NKAIN3: variants seen among roughly 807,000 people sequenced by gnomAD.
NKAIN3 encodes sodium/potassium transporting ATPase interacting 3.
Under a neutral mutation model 30.2 loss-of-function variants are expected in NKAIN3, and 25 were observed. The ratio of observed to expected loss-of-function variants is 0.83; its 90% CI spans 0.60 to 1.16. The LOEUF (loss-of-function observed/expected upper bound fraction) is 1.16, where lower values mean the gene tolerates loss of function less well. NKAIN3 is among the 50% of genes most tolerant of loss of function. NKAIN3 has a pLI of 0.00. For missense variants in NKAIN3, 225 were observed against 254.1 expected (o/e 0.89, Z 0.78); for synonymous variants, 91 against 89.6 (o/e 1.02, Z -0.09).
chr8:62,762,142 C>A (rs1816686935), intron 4 of NKAIN3, among the ~76,000 whole-genome samples: 1 of 151,768 alleles, frequency 6.6e-6, no homozygotes, highest in Non-Finnish European at 1.5e-5. Context: ...ATGGTGAAAT[C>A]CCGTCTCTAC....
chr8:62,670,654 C>A (rs974024233), intron 3 of NKAIN3, among the ~76,000 whole-genome samples: 2 of 152,046 alleles, frequency 1.3e-5, no homozygotes, highest in African/African-American at 2.4e-5. Flanking sequence ...CTTGGGAAGG[C>A]AGTTCAGGTG....
intron 3 of NKAIN3, among the ~76,000 whole-genome samples, chr8:62,712,061 G>A (rs745993953): frequency 2.0e-5 from 3 of 152,174 alleles, no homozygotes; most frequent in African/African-American, 4.8e-5. Flanking sequence ...GGTACTGGGG[G>A]TTGTCTGCAC....
chr8:62,582,483 G>A (rs1810335465), intron 2 of NKAIN3, among the ~76,000 whole-genome samples: 1 of 152,086 alleles, frequency 6.6e-6, no homozygotes, highest in African/African-American at 2.4e-5. Context: ...CCTGTAGCCG[G>A]GCAATGGGGT....
chr8:62,854,735 A>G lies in NKAIN3; in HGVS notation c.472-63718A>G, dbSNP rs529246943. Among the ~76,000 whole-genome samples, 4 of 152,330 alleles carry G rather than the reference A, an allele frequency of 2.6e-5. No homozygotes were observed. The South Asian group carries it at 8.3e-4, about 32-fold the overall frequency. On this transcript the variant is annotated intron_variant, in intron 4 of 6. Coordinates refer to ENST00000623646, the MANE Select transcript of NKAIN3 (RefSeq NM_001304533.3). ...TGTTAGGTGTGGATTTGATCCTGTCATCATGATGCTAGCTGATTATTTTTG... is the reference window on the plus strand; with the variant it reads ...TGTTAGGTGTGGATTTGATCCTGTCGTCATGATGCTAGCTGATTATTTTTG...
intron 6 of NKAIN3, among the ~76,000 whole-genome samples, chr8:62,954,215 A>G (rs1236834430): frequency 6.6e-6 from 1 of 152,174 alleles, no homozygotes; most frequent in Admixed American, 6.6e-5. Context: ...TCCCCTTATC[A>G]ATAGTTGGTA....
intron 1 of NKAIN3, among the ~76,000 whole-genome samples, chr8:62,522,307 C>T (rs1241954708): frequency 2.6e-5 from 4 of 152,068 alleles, no homozygotes; most frequent in East Asian, 1.9e-4. Context: ...TGTGGTGATG[C>T]TGGCATAAAC....
intron 1 of NKAIN3, among the ~76,000 whole-genome samples, chr8:62,279,161 C>T (rs937894653): frequency 2.0e-5 from 3 of 152,220 alleles, no homozygotes; most frequent in African/African-American, 7.2e-5. Context: ...TGTCTGTTGG[C>T]TGCATAAATG....
rs931547573 is a variant in NKAIN3 at position 62,976,046 on chromosome 8, G to A, written c.*10639G>A. ...AACTTGATTGCACTGTGGTCTGAGAGACTGTTTGTTATGGTTTTCATTCTT... is the reference window on the plus strand; with the variant it reads ...AACTTGATTGCACTGTGGTCTGAGAAACTGTTTGTTATGGTTTTCATTCTT... On this transcript the variant is annotated 3_prime_UTR_variant, in exon 7 of 7. Coordinates refer to ENST00000623646, the MANE Select transcript of NKAIN3 (RefSeq NM_001304533.3). Among the ~76,000 whole-genome samples the A allele has an allele frequency of 1.6e-4, 19 of 121,622 alleles. No homozygotes were observed. The highest frequency in any genetic ancestry group is 6.3e-4 in the African/African-American group (19 of 29,984). The allele number at this position is 121,622 out of a possible 152,430, so 79.8% of individuals were successfully genotyped here.
At chr8:62,870,258 ATATC>A (rs1820575170) in intron 4 of NKAIN3, among the ~76,000 whole-genome samples, 2 of 113,958 alleles carry the variant, frequency 1.8e-5, no homozygotes, top group East Asian at 2.2e-4. Flanking sequence ...ATCTATATAT[ATATC>A]TATATATAGA....
At chr8:62,507,965 T>C (rs1033632167) in intron 1 of NKAIN3, among the ~76,000 whole-genome samples, 9 of 152,218 alleles carry the variant, frequency 5.9e-5, no homozygotes, top group Non-Finnish European at 1.3e-4. Context: ...TATAAAAATG[T>C]GCTGAAAAAC....
intron 5 of NKAIN3, among the ~76,000 whole-genome samples, chr8:62,944,022 G>A (rs1381548081): frequency 6.6e-6 from 1 of 151,866 alleles, no homozygotes; most frequent in Admixed American, 6.6e-5. Context: ...GGGTGGGAGT[G>A]GGTGAGGGAT....
At chr8:62,872,822 A>T (rs1820687666) in intron 4 of NKAIN3, among the ~76,000 whole-genome samples, 1 of 152,170 alleles carries the variant, frequency 6.6e-6, no homozygotes, top group South Asian at 2.1e-4. Context: ...ATGCTGAGGG[A>T]TTTCATTACC....
At chr8:62,488,772 T>C (rs2129601449) in intron 1 of NKAIN3, among the ~76,000 whole-genome samples, 1 of 152,238 alleles carries the variant, frequency 6.6e-6, no homozygotes, top group South Asian at 2.1e-4. Context: ...CAAAACAAAA[T>C]TTTTGCAAAG....
intron 4 of NKAIN3, among the ~76,000 whole-genome samples, chr8:62,887,608 G>T (rs1448970033): frequency 1.3e-5 from 2 of 151,976 alleles, no homozygotes; most frequent in Non-Finnish European, 2.9e-5. Context: ...CATTTTGAAG[G>T]TTTCTGTTGA....
chr8:62,751,580 T>G (rs540790451), intron 4 of NKAIN3, among the ~76,000 whole-genome samples: 5 of 152,298 alleles, frequency 3.3e-5, no homozygotes, highest in Non-Finnish European at 5.9e-5. Flanking sequence ...CTTATGTATT[T>G]TGTAACTATT....
chr8:62,306,419 T>C (rs80315589), intron 1 of NKAIN3, among the ~76,000 whole-genome samples: 2,417 of 150,258 alleles, frequency 0.016, 263 homozygotes, highest in African/African-American at 0.055. Context: ...GCAATAATTA[T>C]AAGGAGGGCA....
At chr8:62,882,962 TA>T (rs940771570) in intron 4 of NKAIN3, among the ~76,000 whole-genome samples, 12 of 152,196 alleles carry the variant, frequency 7.9e-5, no homozygotes, top group Non-Finnish European at 1.5e-4. Flanking sequence ...ACTTTATTAC[TA>T]AAGCTTTATA....
At chr8:62,602,194 G>C (rs866568247) in intron 3 of NKAIN3, among the ~76,000 whole-genome samples, 2 of 152,050 alleles carry the variant, frequency 1.3e-5, no homozygotes, top group African/African-American at 4.8e-5. Context: ...TTTCCATAAG[G>C]GTTCAAATCG....
At chr8:62,618,209 G>A (rs1189987534) in intron 3 of NKAIN3, among the ~76,000 whole-genome samples, 2 of 152,218 alleles carry the variant, frequency 1.3e-5, no homozygotes, top group East Asian at 3.9e-4. Flanking sequence ...GTCTGCAGTT[G>A]AGGAAATCCT....
Sources: allele counts gnomAD v4.1 joint callset (sites outside exome capture counted in the v4.1 genomes callset), GRCh38; gene constraint gnomAD v4.1.1; transcripts MANE v1.5; gene names NCBI Gene and HGNC (gene_info 2026-07-23, HGNC 2026-07-21).